The following PRKACA variants were observed in gnomAD, a reference collection of about 807,000 sequenced individuals.
The protein encoded by PRKACA is protein kinase cAMP-activated catalytic subunit alpha, also known as cAMP-dependent protein kinase catalytic subunit alpha.
PRKACA carries 9 observed loss-of-function variants against 45.8 expected under a neutral mutation model. That is an observed-to-expected ratio of 0.20 (90% CI 0.12 to 0.34). The LOEUF is 0.34. PRKACA is among the 10% of genes least tolerant of loss of function. The pLI, the probability that PRKACA is intolerant of heterozygous loss-of-function variation, is 1.00. For synonymous variants in PRKACA, 160 were observed against 178.6 expected, an observed-to-expected ratio of 0.90 and a Z score of 0.83; for missense variants, 238 against 458.6, an observed-to-expected ratio of 0.52 and a Z score of 4.39.
chr19:14,116,123 T>G (rs1480220568), intron 1 of PRKACA, among the ~76,000 whole-genome samples: 2 of 152,154 alleles, frequency 1.3e-5, no homozygotes, highest in African/African-American at 4.8e-5. Flanking sequence ...GATGCTGGGG[T>G]TTGAGACCAA....
In PRKACA at chr19:14,091,728, T is replaced by C. The variant is rs1238333731; in HGVS notation, c.*1384A>G. 2 of 152,382 alleles carry C rather than the reference T, an allele frequency of 1.3e-5. No homozygotes were observed. Among genetic ancestry groups the C allele is most frequent in the Admixed American group, 1.3e-4 (2 of 15,284 alleles). 9.4% of individuals were successfully genotyped at this position (152,382 alleles called of 1,614,324 possible). Reference sequence around the variant, plus strand: ...AACTTTATTGGTAATAGTTTTCAAATATGTTTACAACAGCACACTGTTCAA... The same window carrying C: ...AACTTTATTGGTAATAGTTTTCAAACATGTTTACAACAGCACACTGTTCAA... On this transcript the variant is annotated 3_prime_UTR_variant, in exon 10 of 10. Transcript: ENST00000308677.
intron 4 of PRKACA, 40 bp downstream of exon 4, chr19:14,102,776 C>T: frequency 6.5e-7 from 1 of 1,544,618 alleles, no homozygotes; most frequent in South Asian, 1.1e-5. Context: ...GGCTGGGACC[C>T]AATGCAGTGA....
rs539901471 is a variant in PRKACA at position 14,106,240 on chromosome 19, C to A, written c.237+520G>T. Among the ~76,000 whole-genome samples, 12 of 152,278 alleles carry A rather than the reference C, an allele frequency of 7.9e-5. No individual in the cohort carries two copies. The South Asian group carries it at 2.5e-3, about 32-fold the overall frequency. ...AATTAGCCAGGCATGGTAGTGTGCG[C>A]TTGTAGTCCCAGCTACTCAGGAGGA... On this transcript the variant is annotated intron_variant, in intron 3 of 9. Transcript: ENST00000308677.
At chr19:14,109,997 TATAC>T (rs1454057167) in intron 1 of PRKACA, among the ~76,000 whole-genome samples, 8 of 71,736 alleles carry the variant, frequency 1.1e-4, no homozygotes, top group Non-Finnish European at 1.7e-4. Context: ...TATATATATA[TATAC>T]ACACACACAC....
intron 1 of PRKACA, 159 bp from the exon 2 acceptor site, chr19:14,107,568 T>C: frequency 7.6e-7 from 1 of 1,307,732 alleles, no homozygotes; most frequent in African/African-American, 1.5e-5. Flanking sequence ...GGCCGTGGCC[T>C]GGGCCTCCCT....
At chr19:14,094,774 C>CA (rs1377763880) in intron 8 of PRKACA, among the ~76,000 whole-genome samples, 1 of 152,198 alleles carries the variant, frequency 6.6e-6, no homozygotes, top group Admixed American at 6.5e-5. Flanking sequence ...TTGCTTATGA[C>CA]AAACTTTTTC....
chr19:14,108,926 C>T (rs1031943849), intron 1 of PRKACA, among the ~76,000 whole-genome samples: 75 of 150,844 alleles, frequency 5.0e-4, no homozygotes. Flanking sequence ...CAGGGTTTTG[C>T]CATGTTGGCT....
chr19:14,102,912 C>T lies in PRKACA; in HGVS notation c.240G>A (p.Val80=), dbSNP rs773054959. The T allele has an allele frequency of 8.1e-6, 13 of 1,613,296 alleles. No individual in the cohort carries two copies. The highest frequency in any genetic ancestry group is 1.0e-5 in the Non-Finnish European group (12 of 1,179,348). Residue 80 remains valine, a splice_region_variant and synonymous_variant, in exon 4 of 10, where the codon GTG becomes GTA. Transcript: ENST00000308677. ...YAMKILDKQK[V]VKLKQIEHTL... ...TGTGTTCGATCTGTTTCAGTTTCACCACCTGGGAAGGGAAGGAGGGGAGGG... is the reference window on the plus strand; with the variant it reads ...TGTGTTCGATCTGTTTCAGTTTCACTACCTGGGAAGGGAAGGAGGGGAGGG...
At chr19:14,094,971 C>A (rs1356050847) in intron 8 of PRKACA, among the ~76,000 whole-genome samples, 1 of 152,200 alleles carries the variant, frequency 6.6e-6, no homozygotes, top group Non-Finnish European at 1.5e-5. Flanking sequence ...TTGGCCATGG[C>A]CCTTAACCTC....
chr19:14,107,757 T>G, intron 1 of PRKACA: 1 of 1,047,040 alleles, frequency 9.6e-7, no homozygotes, highest in Non-Finnish European at 1.2e-6. Flanking sequence ...ATTTATAGCC[T>G]TGGGATTTGG....
chr19:14,117,440 G>A, intron 1 of PRKACA, 62 bp downstream of exon 1: 1 of 1,251,874 alleles, frequency 8.0e-7, no homozygotes, highest in Non-Finnish European at 1.0e-6. Flanking sequence ...GCCAGGCGAT[G>A]ATGGACAAGG....
At chr19:14,108,083 T>A in intron 1 of PRKACA, 1 of 985,570 alleles carries the variant, frequency 1.0e-6, no homozygotes, top group Non-Finnish European at 1.2e-6. Flanking sequence ...CTTGTATCCA[T>A]TGTCTCCACT....
chr19:14,116,105 G>A (rs908618130), intron 1 of PRKACA, among the ~76,000 whole-genome samples: 2 of 152,180 alleles, frequency 1.3e-5, no homozygotes, highest in African/African-American at 4.8e-5. Context: ...GGGCATTCAG[G>A]AAACTCAGAT....
chr19:14,115,000 CT>C (rs1221105402), intron 1 of PRKACA, among the ~76,000 whole-genome samples: 1 of 152,224 alleles, frequency 6.6e-6, no homozygotes, highest in Non-Finnish European at 1.5e-5. Flanking sequence ...GCCCCTGCCC[CT>C]GCCCCACCCT....
chr19:14,110,889 G>T (rs1966946321), intron 1 of PRKACA, among the ~76,000 whole-genome samples: 2 of 152,196 alleles, frequency 1.3e-5, no homozygotes, highest in African/African-American at 4.8e-5. Flanking sequence ...GCTGAGTCCA[G>T]TGCACCAGGG....
intron 4 of PRKACA, among the ~76,000 whole-genome samples, chr19:14,102,338 C>T (rs1023410651): frequency 2.6e-5 from 4 of 152,088 alleles, no homozygotes; most frequent in East Asian, 1.9e-4. Context: ...GCACCCAAAA[C>T]GGCTCCCAAA....
In PRKACA at chr19:14,097,521, CGAGAGCAG is replaced by C. The variant is rs924726341; in HGVS notation, c.643-46_643-39del. On this transcript the variant is annotated intron_variant, in intron 7 of 9. Transcript: ENST00000308677. The surrounding 1 kb of genome is among the most constrained non-coding windows in gnomAD (Gnocchi z 5.4). Reference sequence around the variant, plus strand: ...GGGGGGGCACAGGGTGAGGAGGAGGCGAGAGCAGGAGAGCAGAGCCGGCCTCAGGGGAA... The same window carrying C: ...GGGGGGGCACAGGGTGAGGAGGAGGCGAGAGCAGAGCCGGCCTCAGGGGAA... 5 of 1,613,362 alleles carry C rather than the reference CGAGAGCAG, an allele frequency of 3.1e-6. No homozygotes were observed. The highest frequency in any genetic ancestry group is 2.7e-5 in the African/African-American group (2 of 74,864).
chr19:14,111,146 C>T (rs1032910149), intron 1 of PRKACA, among the ~76,000 whole-genome samples: 1 of 152,186 alleles, frequency 6.6e-6, no homozygotes, highest in African/African-American at 2.4e-5. Context: ...GCCTGTAATC[C>T]CAGCACTTTG....
rs1429565931 is a variant in PRKACA, at chr19:14,097,241, G to A, written c.765+120C>T. The stretch of plus-strand genomic sequence containing the variant: ...CCGGCGCGTCCAGCTTCACCACCTG[G>A]CCTGACTTAAGGAACTTCTAGATTA... On this transcript the variant is annotated intron_variant, in intron 8 of 9. Transcript: ENST00000308677. This position sits in a 1 kb window ranked among gnomAD's most constrained non-coding sequence, Gnocchi z 5.4. The A allele has an allele frequency of 2.0e-6, 3 of 1,506,874 alleles. No homozygotes were observed. In the East Asian group the frequency reaches 6.9e-5, roughly 35 times the overall value. The allele number at this position is 1,506,874 out of a possible 1,614,324, so 93.3% of individuals were successfully genotyped here. A position where few individuals can be genotyped will look rare whatever the true frequency, so the allele number is the denominator to read the frequency against.
Sources: allele counts gnomAD v4.1 joint callset (sites outside exome capture counted in the v4.1 genomes callset), GRCh38; gene constraint gnomAD v4.1.1; non-coding constraint Gnocchi (gnomAD v3.1); transcripts MANE v1.5; gene names NCBI Gene and HGNC (gene_info 2026-07-23, HGNC 2026-07-21).